TTLL8: variants seen among roughly 807,000 people sequenced by gnomAD.
TTLL8 encodes protein monoglycylase TTLL8.
Under a neutral mutation model 77.8 loss-of-function variants are expected in TTLL8, and 65 were observed. That is an observed-to-expected ratio of 0.84 (90% CI 0.68 to 1.03). The LOEUF is 1.03. Ranked by LOEUF, TTLL8 falls within the 50% of genes least tolerant of loss-of-function variation. The pLI is 0.00. For missense variants in TTLL8, 910 were observed against 1,004.5 expected (o/e 0.91, Z 1.27); for synonymous variants, 402 against 422.8 (o/e 0.95, Z 0.60).
In TTLL8 at chr22:50,044,981, G is replaced by A. The variant is rs1038688224; in HGVS notation, c.643+274C>T. 3.9e-5 allele frequency among the ~76,000 whole-genome samples: 6 copies of A among 152,176 alleles called. No homozygotes were observed. The highest frequency in any genetic ancestry group is 7.3e-5 in the Non-Finnish European group (5 of 68,028). On this transcript the variant is annotated intron_variant, in intron 6 of 13. Coordinates refer to ENST00000266182, the Ensembl canonical transcript of TTLL8. This position sits in a 1 kb window ranked among gnomAD's most constrained non-coding sequence, Gnocchi z 4.2. ...CCGACCACAGGCTGGAACCACGTCC[G>A]CGGCACAGGACTGTGGCAGTGAGTG...
At chr22:50,037,595 T>A (rs765530078) in intron 8 of TTLL8, among the ~76,000 whole-genome samples, 5 of 152,216 alleles carry the variant, frequency 3.3e-5, no homozygotes, top group African/African-American at 4.8e-5. Context: ...CATTTTTTTT[T>A]CGTATGGCTG....
intron 12 of TTLL8, among the ~76,000 whole-genome samples, chr22:50,029,319 A>AC (rs1447684700): frequency 1.8e-4 from 11 of 60,508 alleles, no homozygotes; most frequent in Non-Finnish European, 2.5e-4. Context: ...CATCCTGAAG[A>AC]CCCCACACAC....
Position 50,041,520 on chromosome 22 carries a change from C to T in TTLL8, c.830+101G>A. The T allele has an allele frequency of 8.2e-7, 1 of 1,225,182 alleles. No individual in the cohort carries two copies. Among genetic ancestry groups the T allele is most frequent in the South Asian group, 1.5e-5 (1 of 67,300 alleles). 75.9% of individuals were successfully genotyped at this position (1,225,182 alleles called of 1,614,324 possible). A position where few individuals can be genotyped will look rare whatever the true frequency, so the allele number is the denominator to read the frequency against. On this transcript the variant is annotated intron_variant, in intron 7 of 13. Transcript: ENST00000266182. This position sits in a 1 kb window ranked among gnomAD's most constrained non-coding sequence, Gnocchi z 4.3. Reference sequence around the variant, plus strand: ...CAATACCCCACAGGTAGCCTAATGCCCAGACAGGTGACCCAGTTCCCAGAG... The same window carrying T: ...CAATACCCCACAGGTAGCCTAATGCTCAGACAGGTGACCCAGTTCCCAGAG...
Position 50,034,869 on chromosome 22 carries a change from G to A in TTLL8, c.922-407C>T, listed in dbSNP as rs1158474034. On this transcript the variant is annotated intron_variant, in intron 8 of 13. Coordinates refer to ENST00000266182, the Ensembl canonical transcript of TTLL8. This position sits in a 1 kb window ranked among gnomAD's most constrained non-coding sequence, Gnocchi z 4.1. ...GCAGACGCAGCCATGCCCAGCTTCC[G>A]CCTGTGGTTGGTGGTGCCTGGGACC... Among the ~76,000 whole-genome samples, 6 of 152,218 alleles carry A rather than the reference G, an allele frequency of 3.9e-5. No homozygotes were observed. Among genetic ancestry groups the A allele is most frequent in the African/African-American group, 1.2e-4 (5 of 41,452 alleles).
chr22:50,039,304 G>A (rs1413992891), intron 8 of TTLL8, among the ~76,000 whole-genome samples: 1 of 152,094 alleles, frequency 6.6e-6, no homozygotes, highest in Non-Finnish European at 1.5e-5. Flanking sequence ...TCCTTTGTAG[G>A]AAAGTTTTTA....
intron 6 of TTLL8, among the ~76,000 whole-genome samples, chr22:50,043,269 C>T (rs1187367347): frequency 3.3e-5 from 5 of 149,614 alleles, no homozygotes; most frequent in Admixed American, 2.1e-4. Flanking sequence ...GCCGAGACGT[C>T]CTTCGGTAGA....
intron 8 of TTLL8, among the ~76,000 whole-genome samples, chr22:50,039,299 T>G (rs562108313): frequency 1.3e-5 from 2 of 152,306 alleles, no homozygotes; most frequent in South Asian, 2.1e-4. Context: ...GATCCTCCTT[T>G]GTAGGAAAGT....
At position 50,045,250 on chromosome 22, in the gene TTLL8, C is replaced by G. The variant is rs372334692; in HGVS notation, c.643+5G>C. ...CTGGCACTGCCCTGCCCCGGCCCAG[C>G]GCACCTTGCCTGCTGCTCAGGTCGC... On this transcript the variant is annotated splice_donor_5th_base_variant and intron_variant, in intron 6 of 13. Transcript: ENST00000266182. 7.4e-7 allele frequency: 1 copy of G among 1,352,094 alleles called. No individual in the cohort carries two copies. Among genetic ancestry groups the G allele is most frequent in the Non-Finnish European group, 9.8e-7 (1 of 1,020,828 alleles). 83.8% of individuals were successfully genotyped at this position (1,352,094 alleles called of 1,614,324 possible). A position where few individuals can be genotyped will look rare whatever the true frequency, so the allele number is the denominator to read the frequency against.
intron 1 of TTLL8, 143 bp from the exon 4 acceptor site, chr22:50,050,390 T>G (rs2061438107): frequency 2.6e-6 from 1 of 385,266 alleles, no homozygotes; most frequent in Non-Finnish European, 4.5e-6. Flanking sequence ...TTTTTTTTTT[T>G]GAGATGGAAT....
In TTLL8 at chr22:50,041,816, C is replaced by T; in HGVS notation, c.644-9G>A. 7.4e-7 allele frequency: 1 copy of T among 1,357,672 alleles called. No homozygotes were observed. The highest frequency in any genetic ancestry group is 2.0e-5 in the Admixed American group (1 of 50,972). The allele number at this position is 1,357,672 out of a possible 1,614,324, so 84.1% of individuals were successfully genotyped here. On this transcript the variant is annotated splice_polypyrimidine_tract_variant and intron_variant, in intron 6 of 13. Coordinates refer to ENST00000266182, the Ensembl canonical transcript of TTLL8. The surrounding 1 kb of genome is among the most constrained non-coding windows in gnomAD (Gnocchi z 4.3). ...CTCAGCATTTTCAGCATCTGAAACC[C>T]AGACACAGGCACATGCAGTGGGAAC... is the stretch of plus-strand genomic sequence containing the variant.
At chr22:50,021,542 T>TGAC (rs1247544875) in intron 12 of TTLL8, among the ~76,000 whole-genome samples, 4 of 145,008 alleles carry the variant, frequency 2.8e-5, no homozygotes, top group Non-Finnish European at 1.5e-5. Flanking sequence ...CTCCTCCATC[T>TGAC]GATGTGCACT....
chr22:50,030,041 C>T (rs1034487459), intron 12 of TTLL8, among the ~76,000 whole-genome samples: 13 of 152,218 alleles, frequency 8.5e-5, no homozygotes, highest in Non-Finnish European at 1.3e-4. Flanking sequence ...GCCAAAGCCC[C>T]GCGGTCACTT....
In TTLL8 at chr22:50,044,639, T is replaced by C. The variant is rs1260371675; in HGVS notation, c.643+616A>G. ...TAAAAGTTTAATGCGCCAATGTTCA[T>C]CTGTCAACAGTCGAAGCGCACTGCT... On this transcript the variant is annotated intron_variant, in intron 6 of 13. Transcript: ENST00000266182. The surrounding 1 kb of genome is among the most constrained non-coding windows in gnomAD (Gnocchi z 4.2). Among the ~76,000 whole-genome samples, 1 of 152,302 alleles carries C rather than the reference T, an allele frequency of 6.6e-6. No individual in the cohort carries two copies. Among genetic ancestry groups the C allele is most frequent in the Non-Finnish European group, 1.5e-5 (1 of 68,034 alleles).
At chr22:50,040,232 G>A (rs186596058) in intron 8 of TTLL8, among the ~76,000 whole-genome samples, 193 of 151,398 alleles carry the variant, frequency 1.3e-3, no homozygotes, top group Non-Finnish European at 2.1e-3. Context: ...GACCTCACTT[G>A]TGCCGGCGTA....
At chr22:50,021,669 G>A (rs540221576) in intron 12 of TTLL8, among the ~76,000 whole-genome samples, 11 of 127,934 alleles carry the variant, frequency 8.6e-5, no homozygotes, top group South Asian at 2.7e-4. Context: ...TCCATCTGAC[G>A]ACGTGCACTC....
At chr22:50,039,244 T>C (rs1034445889) in intron 8 of TTLL8, among the ~76,000 whole-genome samples, 4 of 152,236 alleles carry the variant, frequency 2.6e-5, no homozygotes, top group African/African-American at 4.8e-5. Context: ...TTTTAATTAA[T>C]GAATTAATTA....
chr22:50,030,163 C>A, intron 12 of TTLL8: 1 of 985,162 alleles, frequency 1.0e-6, no homozygotes, highest in Non-Finnish European at 1.2e-6. Context: ...AAAGGCGTCA[C>A]CCGCCAGGTT....
chr22:50,039,336 G>A (rs2061354453), intron 8 of TTLL8, among the ~76,000 whole-genome samples: 1 of 152,176 alleles, frequency 6.6e-6, no homozygotes, highest in African/African-American at 2.4e-5. Context: ...TAGGCCGGGT[G>A]CAGTGGCTCA....
exon 10 of TTLL8, chr22:50,033,225 G>GCGCTGAGTTGAGAAC (rs774409579): frequency 1.6e-5 from 22 of 1,354,206 alleles, no homozygotes; most frequent in Non-Finnish European, 2.1e-5. Flanking sequence ...CCAGGGAGAA[G>GCGCTGAGTTGAGAAC]CGCTGAGTTG....
Sources: allele counts gnomAD v4.1 joint callset (sites outside exome capture counted in the v4.1 genomes callset), GRCh38; gene constraint gnomAD v4.1.1; non-coding constraint Gnocchi (gnomAD v3.1); transcripts MANE v1.5; gene names NCBI Gene and HGNC (gene_info 2026-07-23, HGNC 2026-07-21).